The following BCL2L14 variants were observed in gnomAD, a reference collection of about 807,000 sequenced individuals.
BCL2L14 encodes the protein apoptosis facilitator Bcl-2-like protein 14.
BCL2L14 carries 27 observed loss-of-function variants against 35.3 expected under a neutral mutation model. The observed-to-expected ratio is 0.76, with a 90% CI of 0.56 to 1.05. The LOEUF (loss-of-function observed/expected upper bound fraction) is 1.05. Among genes scored for constraint, BCL2L14 ranks in the 50% least tolerant of loss-of-function variants. BCL2L14 has a pLI of 0.00. For missense variants in BCL2L14, 377 were observed against 382.6 expected (o/e 0.99, Z 0.12); for synonymous variants, 139 against 145.9 (o/e 0.95, Z 0.34).
At chr12:12,058,248 A>C (rs11054651) in intron 2 of BCL2L14, among the ~76,000 whole-genome samples, 69,005 of 144,214 alleles carry the variant, frequency 0.48, 16,878 homozygotes, top group East Asian at 0.76. Context: ...CATTGTGCCC[A>C]GACTCTTTTT....
chr12:12,096,098 G>A, intron 5 of BCL2L14: 1 of 985,198 alleles, frequency 1.0e-6, no homozygotes, highest in Middle Eastern at 5.2e-4. Context: ...GACCCTTCCA[G>A]CTCAAAGGCT....
In BCL2L14 at chr12:12,059,108, G is replaced by A. The variant is rs538265835; in HGVS notation, c.-272+7261G>A. Among the ~76,000 whole-genome samples the A allele has an allele frequency of 3.5e-4, 53 of 152,270 alleles. 2 individuals carry two copies. The South Asian group carries it at 8.5e-3, about 24-fold the overall frequency. Reference sequence around the variant, plus strand: ...GACCCAAAACTCCGGTGCCGGTCACGGACTGGGAATGCAGCCTTCCCTTAG... The same window carrying A: ...GACCCAAAACTCCGGTGCCGGTCACAGACTGGGAATGCAGCCTTCCCTTAG... On this transcript the variant is annotated intron_variant, in intron 2 of 3. Coordinates refer to the BCL2L14 transcript ENST00000461264.
upstream of BCL2L14, among the ~76,000 whole-genome samples, chr12:12,067,100 T>A (rs1331239545): frequency 6.6e-6 from 1 of 152,094 alleles, no homozygotes; most frequent in Admixed American, 6.6e-5. Context: ...AGTCTCGCTC[T>A]GTCACCCAGG....
rs533726647 is a variant in BCL2L14 at position 12,097,044 on chromosome 12, C to T, written c.946-1906C>T. 5.3e-5 allele frequency among the ~76,000 whole-genome samples: 8 copies of T among 152,182 alleles called. No individual in the cohort carries two copies. In the South Asian group the frequency reaches 1.5e-3, roughly 28 times the overall value. ...CTGTAGTCCCAGCTACTCAGGGGGG[C>T]TGAGGTAGGAGAATGGTGTAAACCT... On this transcript the variant is annotated intron_variant, in intron 5 of 5. Transcript: ENST00000308721.
Position 12,096,449 on chromosome 12 carries a change from CAA to C in BCL2L14, c.945+1520_945+1521del, listed in dbSNP as rs746945917. ...CAAGAATGTGAAAAAAAAAAAAAAA[CAA>C]CCCACAGAATGGGGAAAAATACTTG... On this transcript the variant is annotated intron_variant, in intron 5 of 5. Coordinates refer to ENST00000308721, the MANE Select transcript of BCL2L14 (RefSeq NM_138723.2). 5.9e-3 allele frequency among the ~76,000 whole-genome samples: 216 copies of C among 36,784 alleles called. 1 individual carries two copies. Among genetic ancestry groups the C allele is most frequent in the South Asian group, 0.029 (34 of 1,180 alleles). 24.1% of individuals were successfully genotyped at this position (36,784 alleles called of 152,430 possible).
In BCL2L14 at chr12:12,087,311, A is replaced by C. The variant is rs776417493; in HGVS notation, c.532A>C (p.Lys178Gln). Residue 178 changes from lysine (K) to glutamine (Q), a missense_variant, in exon 3 of 6, where the codon AAA (lysine) becomes CAA (glutamine). Physicochemically the swap from Lys to Gln is moderately conservative, Grantham distance 53. Coordinates refer to ENST00000308721, the MANE Select transcript of BCL2L14 (RefSeq NM_138723.2). Reference protein sequence around the residue: ...QATQAGGFKSKEIFVTEGLSF... With the variant: ...QATQAGGFKSQEIFVTEGLSF... ...GACCCAGGCAGGAGGCTTCAAGTCC[A>C]AAGAGATTTTTGTAACTGAGGGTCT... The C allele has an allele frequency of 6.2e-7, 1 of 1,614,208 alleles. No individual in the cohort carries two copies. Among genetic ancestry groups the C allele is most frequent in the Non-Finnish European group, 8.5e-7 (1 of 1,180,038 alleles).
chr12:12,094,965 G>C (rs763881197), intron 5 of BCL2L14, 35 bp downstream of exon 5: 1 of 1,586,728 alleles, frequency 6.3e-7, no homozygotes, highest in South Asian at 1.1e-5. Flanking sequence ...AATTTTCTCA[G>C]AACTCAGAAG....
Position 12,084,525 on chromosome 12 carries a change from C to T in BCL2L14, c.434-2688C>T, listed in dbSNP as rs144895480. On this transcript the variant is annotated intron_variant, in intron 2 of 5. Transcript: ENST00000308721. Reference sequence around the variant, plus strand: ...AGACCACAGGCGAAATGGGACCTTCCGACCCTGTTGGCCTGCTCTTCCTGG... The same window carrying T: ...AGACCACAGGCGAAATGGGACCTTCTGACCCTGTTGGCCTGCTCTTCCTGG... Among the ~76,000 whole-genome samples the T allele has an allele frequency of 6.9e-3, 1,050 of 152,154 alleles. 9 individuals carry two copies. The highest frequency in any genetic ancestry group is 0.024 in the African/African-American group (1,007 of 41,500).
intron 5 of BCL2L14, chr12:12,095,393 A>T: frequency 1.0e-6 from 1 of 985,358 alleles, no homozygotes; most frequent in Non-Finnish European, 1.2e-6. Flanking sequence ...TGACCCAGCC[A>T]TTTTGAGGGT....
chr12:12,094,972 G>C, intron 5 of BCL2L14, 42 bp downstream of exon 5: 1 of 1,572,330 alleles, frequency 6.4e-7, no homozygotes, highest in South Asian at 1.2e-5. Flanking sequence ...TCAGAACTCA[G>C]AAGAGATGGG....
chr12:12,095,607 TAA>T (rs1484340771), intron 5 of BCL2L14: 2 of 985,262 alleles, frequency 2.0e-6, no homozygotes, highest in African/African-American at 1.7e-5. Flanking sequence ...CCCACAACTT[TAA>T]CTCTCAACAG....
At chr12:12,055,726 T>C (rs1948422643) in intron 2 of BCL2L14, 1 of 152,204 alleles carries the variant, frequency 6.6e-6, no homozygotes, top group South Asian at 2.1e-4. Flanking sequence ...GGTTCTGCCT[T>C]GTCTCTGCCT....
chr12:12,068,066 C>A (rs1050754146), upstream of BCL2L14: 1 of 396,070 alleles, frequency 2.5e-6, no homozygotes, highest in Admixed American at 4.4e-5. Flanking sequence ...GCCTCAGTCT[C>A]CTGAGTAGCT....
upstream of BCL2L14, among the ~76,000 whole-genome samples, chr12:12,067,677 G>A (rs747322520): frequency 1.1e-4 from 16 of 152,304 alleles, no homozygotes; most frequent in Non-Finnish European, 1.8e-4. Flanking sequence ...ATTTCCCACT[G>A]AATGACTGCA....
chr12:12,060,005 C>T (rs941635785), intron 2 of BCL2L14, among the ~76,000 whole-genome samples: 1 of 151,960 alleles, frequency 6.6e-6, no homozygotes, highest in South Asian at 2.1e-4. Flanking sequence ...TCCCACCTGT[C>T]CCCTCAGTCC....
At chr12:12,055,401 A>G (rs1948416602) in intron 2 of BCL2L14, 1 of 152,208 alleles carries the variant, frequency 6.6e-6, no homozygotes. Context: ...ACTCTCCAGG[A>G]ACACAAGAAA....
chr12:12,095,211 G>T lies in BCL2L14; in HGVS notation c.945+281G>T, dbSNP rs1949288984. On this transcript the variant is annotated intron_variant, in intron 5 of 5. Transcript: ENST00000308721. ...AGGAAATGAGGAGATGCTGAGATAA[G>T]AAATGTTTAGATAGACGTAATTTCT... is the stretch of plus-strand genomic sequence containing the variant. 7 of 985,372 alleles carry T rather than the reference G, an allele frequency of 7.1e-6. No homozygotes were observed. In the South Asian group the frequency reaches 1.4e-4, roughly 20 times the overall value. The allele number at this position is 985,372 out of a possible 1,614,324, so 61.0% of individuals were successfully genotyped here.
At chr12:12,084,050 G>A (rs1171496855) in intron 2 of BCL2L14, among the ~76,000 whole-genome samples, 2 of 152,160 alleles carry the variant, frequency 1.3e-5, no homozygotes, top group Admixed American at 1.3e-4. Context: ...TACATCTCAG[G>A]CAAGAATAAA....
At chr12:12,084,112 C>G (rs1380272347) in intron 2 of BCL2L14, among the ~76,000 whole-genome samples, 1 of 152,054 alleles carries the variant, frequency 6.6e-6, no homozygotes. Flanking sequence ...AATTCAGCTC[C>G]CTTTTATTTT....
Sources: gnomAD v4.1 joint callset for allele counts (sites outside exome capture counted in the v4.1 genomes callset) on GRCh38, gnomAD v4.1.1 for gene constraint, MANE v1.5 for transcripts, NCBI Gene and HGNC (gene_info 2026-07-23, HGNC 2026-07-21) for gene names.